COL13A1: variants seen among roughly 807,000 people sequenced by gnomAD.
COL13A1 encodes the protein collagen type XIII alpha 1 chain, also known as collagen alpha-1(XIII) chain.
In COL13A1, 89 loss-of-function variants were observed where a neutral mutation model predicts 130.9. The ratio of observed to expected loss-of-function variants is 0.68; its 90% confidence interval spans 0.57 to 0.81. COL13A1 has a LOEUF of 0.81. Ranked by LOEUF, COL13A1 falls within the 30% of genes least tolerant of loss-of-function variation. The pLI, the probability that COL13A1 is intolerant of heterozygous loss-of-function variation, is 0.00. For missense variants in COL13A1, 879 were observed against 934.6 expected (o/e 0.94, Z 0.78); for synonymous variants, 402 against 341.6 (o/e 1.18, Z -1.95).
intron 2 of COL13A1, among the ~76,000 whole-genome samples, chr10:69,833,705 GAAAC>G (rs1193866971): frequency 6.6e-6 from 1 of 152,118 alleles, no homozygotes; most frequent in Non-Finnish European, 1.5e-5. Flanking sequence ...TTAAAACAAT[GAAAC>G]AACATAATAA....
At chr10:69,868,339 G>C (rs1400642062) in intron 3 of COL13A1, among the ~76,000 whole-genome samples, 1 of 152,158 alleles carries the variant, frequency 6.6e-6, no homozygotes, top group Non-Finnish European at 1.5e-5. Flanking sequence ...GTAAGAGAGA[G>C]CGGTGTCAGC....
At chr10:69,806,378 G>A (rs939908264) in intron 1 of COL13A1, among the ~76,000 whole-genome samples, 1 of 152,226 alleles carries the variant, frequency 6.6e-6, no homozygotes, top group South Asian at 2.1e-4. Context: ...GGCCGGCCAA[G>A]GGGACCCAGG....
chr10:69,884,203 G>A (rs987357395), intron 7 of COL13A1, among the ~76,000 whole-genome samples: 2 of 152,156 alleles, frequency 1.3e-5, no homozygotes, highest in African/African-American at 2.4e-5. Context: ...TGTCTTGGAC[G>A]GCTGGCAAGA....
intron 1 of COL13A1, among the ~76,000 whole-genome samples, chr10:69,814,142 C>T (rs998202194): frequency 2.6e-5 from 4 of 152,248 alleles, no homozygotes; most frequent in African/African-American, 9.6e-5. Context: ...AGTCCCTGCC[C>T]TGTGCCAGGC....
At chr10:69,808,948 C>T (rs1044994772) in intron 1 of COL13A1, among the ~76,000 whole-genome samples, 1 of 152,210 alleles carries the variant, frequency 6.6e-6, no homozygotes, top group Non-Finnish European at 1.5e-5. Context: ...CATGCCTTGT[C>T]CTGGCTGGGA....
At chr10:69,810,346 ATGAGAG>A (rs146596785) in intron 1 of COL13A1, among the ~76,000 whole-genome samples, 837 of 71,212 alleles carry the variant, frequency 0.012, 16 homozygotes, top group African/African-American at 0.051. Context: ...GGCCCTGAGA[ATGAGAG>A]AGAGAGAGAG....
chr10:69,910,653 A>G (rs2063273396), intron 17 of COL13A1, among the ~76,000 whole-genome samples: 1 of 152,226 alleles, frequency 6.6e-6, no homozygotes, highest in Non-Finnish European at 1.5e-5. Context: ...CTGCCTAGAC[A>G]CTGCGAGTAT....
chr10:69,822,272 C>G, intron 1 of COL13A1, 97 bp from the exon 2 acceptor site: 3 of 867,954 alleles, frequency 3.5e-6, no homozygotes, highest in Admixed American at 3.4e-5. Context: ...CTGCCGGTTT[C>G]CCCCTCTTCC....
intron 3 of COL13A1, among the ~76,000 whole-genome samples, chr10:69,869,804 A>G (rs1338664399): frequency 6.6e-6 from 1 of 152,236 alleles, no homozygotes; most frequent in African/African-American, 2.4e-5. Context: ...TAATACTGGG[A>G]ACTATGAGAC....
chr10:69,829,761 C>T (rs1375477267), intron 2 of COL13A1, among the ~76,000 whole-genome samples: 2 of 152,226 alleles, frequency 1.3e-5, no homozygotes, highest in African/African-American at 4.8e-5. Flanking sequence ...GCCAAAATGA[C>T]CACAGCTGCT....
At chr10:69,817,238 GGC>G (rs1156935031) in intron 1 of COL13A1, among the ~76,000 whole-genome samples, 1 of 152,078 alleles carries the variant, frequency 6.6e-6, no homozygotes, top group Non-Finnish European at 1.5e-5. Context: ...GAGGCAGGAA[GGC>G]AGGGGACTTG....
chr10:69,874,202 A>G (rs1335874960), intron 4 of COL13A1, among the ~76,000 whole-genome samples: 2 of 152,226 alleles, frequency 1.3e-5, no homozygotes, highest in Non-Finnish European at 2.9e-5. Flanking sequence ...GGTGTGCCCC[A>G]CATACATGGT....
At chr10:69,922,365 T>G (rs1188720559) in intron 22 of COL13A1, among the ~76,000 whole-genome samples, 1 of 152,228 alleles carries the variant, frequency 6.6e-6, no homozygotes, top group African/African-American at 2.4e-5. Flanking sequence ...TCTGCAAAGC[T>G]TATTTAATGT....
chr10:69,802,904 G>C (rs1477086784), intron 1 of COL13A1, among the ~76,000 whole-genome samples, 187 bp downstream of exon 1: 1 of 152,226 alleles, frequency 6.6e-6, no homozygotes, highest in Non-Finnish European at 1.5e-5. Context: ...GACCTGGTGG[G>C]CAAGAGCATG....
intron 14 of COL13A1, among the ~76,000 whole-genome samples, chr10:69,901,473 G>A (rs140928320): frequency 9.5e-4 from 145 of 152,224 alleles, no homozygotes; most frequent in Middle Eastern, 3.4e-3. Flanking sequence ...TGCCTTCCTC[G>A]CATGGGGAAG....
chr10:69,925,861 G>C lies in COL13A1; in HGVS notation c.1387G>C (p.Glu463Gln). Residue 463 changes from glutamate to glutamine, a missense_variant, in exon 26 of 41, where the codon GAG becomes CAG. Around this residue, in one of 3 missense-constraint regions of COL13A1, gnomAD observed 715 missense variants for 721.0 expected, o/e 0.99. Transcript: ENST00000645393. ...GGTGGATTACAATGGAAACATCAATGAGGCTCTCCAGGTGAGCAGGGTCCA... is the reference window on the plus strand; with the variant it reads ...GGTGGATTACAATGGAAACATCAATCAGGCTCTCCAGGTGAGCAGGGTCCA... ...EMVDYNGNIN[E>Q]ALQEIRTLAL... 1 of 1,595,948 alleles carries C rather than the reference G, an allele frequency of 6.3e-7. No individual in the cohort carries two copies. Among genetic ancestry groups the C allele is most frequent in the Non-Finnish European group, 8.5e-7 (1 of 1,171,366 alleles).
intron 3 of COL13A1, among the ~76,000 whole-genome samples, chr10:69,869,275 C>T (rs888717258): frequency 1.3e-5 from 2 of 152,152 alleles, no homozygotes; most frequent in Non-Finnish European, 2.9e-5. Flanking sequence ...GAAGAAAGGC[C>T]CAGGTAGCTT....
chr10:69,860,693 TC>T (rs758829281), intron 2 of COL13A1: 16 of 265,748 alleles, frequency 6.0e-5, no homozygotes, highest in South Asian at 4.8e-4. Context: ...TGCAGCCAGG[TC>T]CCCCATGCCC....
intron 21 of COL13A1, among the ~76,000 whole-genome samples, chr10:69,921,109 C>T (rs1004535506): frequency 2.6e-5 from 4 of 152,120 alleles, no homozygotes. Flanking sequence ...AGCTGGAAGT[C>T]CAAAAGCAAG....
Sources: gnomAD v4.1 joint callset for allele counts (sites outside exome capture counted in the v4.1 genomes callset) on GRCh38, gnomAD v4.1.1 for gene constraint, gnomAD v4.1.1 regional missense constraint, MANE v1.5 for transcripts, NCBI Gene and HGNC (gene_info 2026-07-23, HGNC 2026-07-21) for gene names.